Variants in TLE1 observed in about 807,000 individuals in gnomAD.
The protein encoded by TLE1 is TLE family member 1, transcriptional corepressor.
In TLE1, 21 loss-of-function variants were observed where a neutral mutation model predicts 89.8. The observed-to-expected ratio is 0.23, with a 90% CI of 0.17 to 0.34. TLE1 has a LOEUF of 0.34. Among genes scored for constraint, TLE1 ranks in the 10% least tolerant of loss-of-function variants. The pLI is 1.00. For missense variants in TLE1, 795 were observed against 1,031.2 expected, an observed-to-expected ratio of 0.77 and a Z score of 3.14; for synonymous variants, 447 against 407.6, an observed-to-expected ratio of 1.10 and a Z score of -1.16.
At chr9:81,609,586 T>C (rs1823441521) in intron 14 of TLE1, among the ~76,000 whole-genome samples, 1 of 152,230 alleles carries the variant, frequency 6.6e-6, no homozygotes, top group East Asian at 1.9e-4. Context: ...TAAATTCCAA[T>C]TCTTTTGTGC....
chr9:81,634,533 C>T (rs1827132778), intron 6 of TLE1, among the ~76,000 whole-genome samples: 1 of 152,108 alleles, frequency 6.6e-6, no homozygotes, highest in South Asian at 2.1e-4. Context: ...GCTCAATTAC[C>T]TCTCCCACCT....
rs372013873 is a variant in TLE1 at position 81,590,909 on chromosome 9, G to T, written c.1725C>A (p.Pro575=). ...RIKAELTSSA[P]ACYALAISPD... Reference sequence around the variant, plus strand: ...GGCTGATGGCCAGGGCGTAGCAGGCGGGGGCCGAGGACGTCAGCTCCGCCT... The same window carrying T: ...GGCTGATGGCCAGGGCGTAGCAGGCTGGGGCCGAGGACGTCAGCTCCGCCT... The change falls in exon 16 of 20, where the codon CCC becomes CCA. Residue 575 remains proline, a synonymous_variant. Coordinates refer to ENST00000376499, the MANE Select transcript of TLE1 (RefSeq NM_005077.5). 3.1e-6 allele frequency: 5 copies of T among 1,614,282 alleles called. No homozygotes were observed. Among genetic ancestry groups the T allele is most frequent in the Non-Finnish European group, 4.2e-6 (5 of 1,180,052 alleles).
chr9:81,633,873 A>C (rs1170688987), intron 7 of TLE1: 2 of 503,270 alleles, frequency 4.0e-6, no homozygotes, highest in East Asian at 6.0e-5. Context: ...CAAGATGTCA[A>C]GATGCCTGCA....
chr9:81,656,231 T>G (rs1830133495), intron 4 of TLE1, among the ~76,000 whole-genome samples: 1 of 151,886 alleles, frequency 6.6e-6, no homozygotes, highest in South Asian at 2.1e-4. Flanking sequence ...TCAAGCTACC[T>G]CAAGGTCATG....
At chr9:81,627,474 A>G (rs1826047472) in intron 8 of TLE1, among the ~76,000 whole-genome samples, 1 of 152,146 alleles carries the variant, frequency 6.6e-6, no homozygotes, top group Non-Finnish European at 1.5e-5. Context: ...GCTCCTGACA[A>G]TCTAGAAACC....
intron 4 of TLE1, among the ~76,000 whole-genome samples, chr9:81,684,479 T>C (rs1834010544): frequency 6.6e-6 from 1 of 152,216 alleles, no homozygotes; most frequent in Non-Finnish European, 1.5e-5. Flanking sequence ...TTATGAAATC[T>C]ATGATGAATT....
In TLE1 at chr9:81,609,558, T is replaced by G. The variant is rs190519781; in HGVS notation, c.1331+662A>C. On this transcript the variant is annotated intron_variant, in intron 14 of 19. Transcript: ENST00000376499. Reference sequence around the variant, plus strand: ...AATTTTTAAAGTGACCCAGGAAGAATAGCCAATTGAGTTTTTTTAAATTCC... The same window carrying G: ...AATTTTTAAAGTGACCCAGGAAGAAGAGCCAATTGAGTTTTTTTAAATTCC... Among the ~76,000 whole-genome samples the G allele has an allele frequency of 2.6e-5, 4 of 152,314 alleles. No homozygotes were observed. In the East Asian group the frequency reaches 7.7e-4, roughly 29 times the overall value.
chr9:81,588,680 G>A (rs1016811401), intron 16 of TLE1, among the ~76,000 whole-genome samples: 10 of 152,192 alleles, frequency 6.6e-5, no homozygotes, highest in African/African-American at 2.4e-4. Context: ...GTCAGTGTAA[G>A]CCCCAGCAGG....
chr9:81,670,042 G>C (rs886500829), intron 4 of TLE1, among the ~76,000 whole-genome samples: 3 of 152,084 alleles, frequency 2.0e-5, no homozygotes, highest in Non-Finnish European at 4.4e-5. Flanking sequence ...GTTCCAACTC[G>C]TGTCTCCATG....
At chr9:81,672,625 C>T (rs999044060) in intron 4 of TLE1, among the ~76,000 whole-genome samples, 5 of 152,092 alleles carry the variant, frequency 3.3e-5, no homozygotes, top group African/African-American at 1.2e-4. Flanking sequence ...AAAAAGAAAA[C>T]TACATGCACA....
intron 14 of TLE1, among the ~76,000 whole-genome samples, chr9:81,597,374 C>G (rs1830361792): frequency 6.6e-6 from 1 of 151,994 alleles, no homozygotes; most frequent in South Asian, 2.1e-4. Flanking sequence ...GGGAGGAAGA[C>G]GCAGGGTGGG....
intron 14 of TLE1, among the ~76,000 whole-genome samples, chr9:81,600,422 TC>T (rs1420970773): frequency 1.3e-5 from 2 of 152,076 alleles, no homozygotes. Flanking sequence ...GGCAGGAGGA[TC>T]CCCTGAGCTC....
At chr9:81,620,827 G>T in intron 8 of TLE1, 1 of 1,053,548 alleles carries the variant, frequency 9.5e-7, no homozygotes, top group Non-Finnish European at 1.3e-6. Context: ...TTTACTGTTT[G>T]AGAAATAGGA....
chr9:81,661,732 A>C (rs976452736), intron 4 of TLE1, among the ~76,000 whole-genome samples: 8 of 152,278 alleles, frequency 5.3e-5, no homozygotes, highest in African/African-American at 1.7e-4. Flanking sequence ...GAAGTTTCTG[A>C]GTCTGTGAAA....
chr9:81,608,805 C>T (rs1460816123), intron 14 of TLE1, among the ~76,000 whole-genome samples: 1 of 151,964 alleles, frequency 6.6e-6, no homozygotes, highest in African/African-American at 2.4e-5. Context: ...GGCATAGTGG[C>T]ATGCACCCAT....
chr9:81,681,561 AAAG>A (rs954448415), intron 4 of TLE1, among the ~76,000 whole-genome samples: 10 of 144,322 alleles, frequency 6.9e-5, no homozygotes, highest in African/African-American at 2.9e-4. Context: ...CAAAAAAAAA[AAAG>A]AAAAAAAATT....
intron 4 of TLE1, among the ~76,000 whole-genome samples, chr9:81,677,628 T>C (rs560875205): frequency 6.6e-6 from 1 of 151,058 alleles, no homozygotes; most frequent in African/African-American, 2.4e-5. Context: ...CACCAAGAGG[T>C]TGTACGTATA....
intron 4 of TLE1, among the ~76,000 whole-genome samples, chr9:81,684,312 A>G (rs1833990599): frequency 6.6e-6 from 1 of 152,198 alleles, no homozygotes; most frequent in Non-Finnish European, 1.5e-5. Flanking sequence ...AAACAAAGGC[A>G]CAAACCCAAC....
At chr9:81,662,361 TTGTGTGTGTGTGTGTGTGTGTGTG>T (rs371936084) in intron 4 of TLE1, among the ~76,000 whole-genome samples, 48 of 138,360 alleles carry the variant, frequency 3.5e-4, no homozygotes, top group African/African-American at 1.1e-3. Flanking sequence ...TGTGCCTGTT[TTGTGTGTGTGTGTGTGTGTGTGTG>T]TGTGTGTGTG....
Sources: allele counts gnomAD v4.1 joint callset (sites outside exome capture counted in the v4.1 genomes callset), GRCh38; gene constraint gnomAD v4.1.1; transcripts MANE v1.5; gene names NCBI Gene and HGNC (gene_info 2026-07-23, HGNC 2026-07-21).